CNTNAP2: variants seen among roughly 807,000 people sequenced by gnomAD.
The protein encoded by CNTNAP2 is contactin-associated protein-like 2.
In CNTNAP2, 98 loss-of-function variants were observed where a neutral mutation model predicts 155.2. That is an observed-to-expected ratio of 0.63 (90% confidence interval 0.54 to 0.75). CNTNAP2 has a LOEUF of 0.75. CNTNAP2 is among the 30% of genes least tolerant of loss of function. The pLI, the probability that CNTNAP2 is intolerant of heterozygous loss-of-function variation, is 0.00. For synonymous variants in CNTNAP2, 651 were observed against 631.2 expected (o/e 1.03, Z -0.47); for missense variants, 1,727 against 1,688.1 (o/e 1.02, Z -0.40).
chr7:147,196,128 G>A (rs1802794577), intron 8 of CNTNAP2, among the ~76,000 whole-genome samples: 3 of 152,170 alleles, frequency 2.0e-5, no homozygotes, highest in South Asian at 2.1e-4. Context: ...AGGAGAGACA[G>A]TAGAAGAAAC....
chr7:148,283,386 G>A (rs1797023816), intron 21 of CNTNAP2, among the ~76,000 whole-genome samples: 1 of 151,798 alleles, frequency 6.6e-6, no homozygotes. Context: ...GAAAATTTTT[G>A]AATTTCTTAT....
chr7:147,287,618 C>T (rs1021505578), intron 8 of CNTNAP2, among the ~76,000 whole-genome samples: 6 of 152,078 alleles, frequency 3.9e-5, no homozygotes, highest in African/African-American at 1.2e-4. Flanking sequence ...GACTTACACT[C>T]ATGACATACG....
At chr7:147,955,033 C>G (rs568354099) in intron 14 of CNTNAP2, among the ~76,000 whole-genome samples, 2 of 152,224 alleles carry the variant, frequency 1.3e-5, no homozygotes, top group Admixed American at 1.3e-4. Context: ...GTTGAGCCAC[C>G]GACACTGAAT....
At chr7:146,731,675 C>G (rs994228633) in intron 1 of CNTNAP2, among the ~76,000 whole-genome samples, 1 of 152,028 alleles carries the variant, frequency 6.6e-6, no homozygotes. Context: ...TAAGGTCTTT[C>G]AAGAAACTTA....
chr7:146,407,502 A>G (rs868427030), intron 1 of CNTNAP2, among the ~76,000 whole-genome samples: 4 of 152,332 alleles, frequency 2.6e-5, no homozygotes, highest in Middle Eastern at 3.4e-3. Context: ...AATGTGAGTT[A>G]CAATCTTGTG....
intron 1 of CNTNAP2, among the ~76,000 whole-genome samples, chr7:146,745,597 T>A (rs1474165798): frequency 6.6e-6 from 1 of 151,852 alleles, no homozygotes; most frequent in Non-Finnish European, 1.5e-5. Context: ...TGAAACCCCG[T>A]CTCTACTAAA....
chr7:146,193,740 T>C (rs538434075), intron 1 of CNTNAP2, among the ~76,000 whole-genome samples: 2 of 152,236 alleles, frequency 1.3e-5, no homozygotes, highest in Non-Finnish European at 2.9e-5. Flanking sequence ...TTGTTACTTA[T>C]GCAAATTTGG....
chr7:147,233,253 T>A (rs765575346), intron 8 of CNTNAP2, among the ~76,000 whole-genome samples: 4 of 152,164 alleles, frequency 2.6e-5, no homozygotes, highest in South Asian at 2.1e-4. Context: ...ATTTCTTCCA[T>A]AAGTTAGGCT....
chr7:146,891,342 T>C (rs539964192), intron 3 of CNTNAP2, among the ~76,000 whole-genome samples: 1 of 152,232 alleles, frequency 6.6e-6, no homozygotes, highest in East Asian at 1.9e-4. Flanking sequence ...ACCCCCAACT[T>C]CAGTGTCACA....
intron 13 of CNTNAP2, among the ~76,000 whole-genome samples, chr7:147,690,390 C>T (rs1796070402): frequency 6.6e-6 from 1 of 152,098 alleles, no homozygotes; most frequent in Admixed American, 6.6e-5. Flanking sequence ...TAGCTTTCCT[C>T]TGAGATTTTT....
chr7:148,323,584 G>T (rs1251091155), intron 21 of CNTNAP2, among the ~76,000 whole-genome samples: 1 of 151,954 alleles, frequency 6.6e-6, no homozygotes, highest in East Asian at 1.9e-4. Context: ...GTCCATAGAT[G>T]AATCATCCCA....
At chr7:147,757,443 G>C (rs1354994466) in intron 13 of CNTNAP2, among the ~76,000 whole-genome samples, 1 of 152,046 alleles carries the variant, frequency 6.6e-6, no homozygotes, top group South Asian at 2.1e-4. Context: ...CTTCTCTGTA[G>C]CTCCTCCAAG....
At chr7:147,664,086 T>G (rs1795658488) in intron 13 of CNTNAP2, among the ~76,000 whole-genome samples, 1 of 152,256 alleles carries the variant, frequency 6.6e-6, no homozygotes, top group Admixed American at 6.5e-5. Context: ...TGCATTATTT[T>G]GTTATGGCTT....
At chr7:147,067,776 A>T (rs1329643107) in intron 4 of CNTNAP2, among the ~76,000 whole-genome samples, 1 of 152,234 alleles carries the variant, frequency 6.6e-6, no homozygotes, top group Non-Finnish European at 1.5e-5. Context: ...TCTGTTGAGT[A>T]TCTTATGAAG....
chr7:146,490,001 A>T (rs553968180), intron 1 of CNTNAP2, among the ~76,000 whole-genome samples: 1 of 152,288 alleles, frequency 6.6e-6, no homozygotes, highest in African/African-American at 2.4e-5. Flanking sequence ...GTAGGGATCA[A>T]TCAGAAGAAA....
chr7:146,346,333 A>G (rs1794818759), intron 1 of CNTNAP2, among the ~76,000 whole-genome samples: 1 of 152,108 alleles, frequency 6.6e-6, no homozygotes, highest in African/African-American at 2.4e-5. Context: ...CTCACAGGAG[A>G]GTGAATCCTA....
chr7:147,133,757 G>C (rs1322417603), intron 8 of CNTNAP2, among the ~76,000 whole-genome samples: 1 of 151,934 alleles, frequency 6.6e-6, no homozygotes, highest in Non-Finnish European at 1.5e-5. Flanking sequence ...TTACTGAAAA[G>C]GATTCAAGGA....
intron 13 of CNTNAP2, among the ~76,000 whole-genome samples, chr7:147,703,533 T>A (rs1796266070): frequency 1.3e-5 from 2 of 152,176 alleles, no homozygotes; most frequent in African/African-American, 2.4e-5. Flanking sequence ...GGACAAAAAA[T>A]ACTTTTTCAC....
At chr7:146,921,257 A>T (rs569531222) in intron 3 of CNTNAP2, among the ~76,000 whole-genome samples, 8 of 152,316 alleles carry the variant, frequency 5.3e-5, no homozygotes, top group Non-Finnish European at 1.0e-4. Context: ...CAACATAAAA[A>T]GGGTACATTT....
Sources: allele counts gnomAD v4.1 joint callset (sites outside exome capture counted in the v4.1 genomes callset), GRCh38; gene constraint gnomAD v4.1.1; transcripts MANE v1.5; gene names NCBI Gene and HGNC (gene_info 2026-07-23, HGNC 2026-07-21).